PAK4: variants seen among roughly 807,000 people sequenced by gnomAD.
PAK4 encodes p21 (RAC1) activated kinase 4.
PAK4 carries 49 observed loss-of-function variants against 53.5 expected under a neutral mutation model. That is an observed-to-expected ratio of 0.92 (90% CI 0.73 to 1.16). The LOEUF (loss-of-function observed/expected upper bound fraction) is 1.16, where lower values mean the gene tolerates loss of function less well. PAK4 is among the 50% of genes most tolerant of loss of function. PAK4 has a pLI of 0.00. For missense variants in PAK4, 824 were observed against 850.7 expected (o/e 0.97, Z 0.39); for synonymous variants, 376 against 375.6 (o/e 1.00, Z -0.01).
Position 39,175,478 on chromosome 19 carries a change from C to T in PAK4, c.1359+40C>T, listed in dbSNP as rs769014787. On this transcript the variant is annotated intron_variant, in intron 6 of 8. Coordinates refer to ENST00000358301, the Ensembl canonical transcript of PAK4. This position sits in a 1 kb window ranked among gnomAD's most constrained non-coding sequence, Gnocchi z 4.7. The stretch of plus-strand genomic sequence containing the variant: ...GGCGGGGTACGGGGGCGGCAGGTTT[C>T]CGGCTGCGGGGCTTCCCTGCCTCTT... 4 of 1,565,666 alleles carry T rather than the reference C, an allele frequency of 2.6e-6. No homozygotes were observed. The highest frequency in any genetic ancestry group is 3.5e-6 in the Non-Finnish European group (4 of 1,152,340).
chr19:39,171,911 A>T (rs1206869146), intron 2 of PAK4, among the ~76,000 whole-genome samples: 3 of 152,230 alleles, frequency 2.0e-5, no homozygotes, highest in Non-Finnish European at 4.4e-5. Context: ...AGGTGCTGAG[A>T]TGGAGCAGGA....
chr19:39,132,894 C>T (rs991241720), intron 1 of PAK4, among the ~76,000 whole-genome samples: 41 of 152,246 alleles, frequency 2.7e-4, no homozygotes, highest in African/African-American at 9.6e-4. Flanking sequence ...TGATTTTAAT[C>T]AGAGCAAAGT....
At chr19:39,143,289 TAAAAAA>T (rs33954043) in intron 1 of PAK4, among the ~76,000 whole-genome samples, 4 of 117,748 alleles carry the variant, frequency 3.4e-5, no homozygotes, top group African/African-American at 1.3e-4. Context: ...GTAGAAGCAT[TAAAAAA>T]AAAAAAAAAA....
intron 1 of PAK4, among the ~76,000 whole-genome samples, chr19:39,138,585 C>T (rs2073859695): frequency 6.6e-6 from 1 of 152,150 alleles, no homozygotes; most frequent in Admixed American, 6.5e-5. Context: ...GGAGTCTGTG[C>T]CCTCCACTCC....
chr19:39,158,228 T>C (rs2074224994), intron 1 of PAK4, among the ~76,000 whole-genome samples: 2 of 152,086 alleles, frequency 1.3e-5, no homozygotes, highest in African/African-American at 4.8e-5. Context: ...TGCGTGTGTG[T>C]GCATGTGTGT....
At chr19:39,170,521 T>C (rs1428669334) in intron 2 of PAK4, among the ~76,000 whole-genome samples, 1 of 152,202 alleles carries the variant, frequency 6.6e-6, no homozygotes, top group Non-Finnish European at 1.5e-5. Flanking sequence ...GAGGCTGGCC[T>C]GGCCTGAGCC....
intron 1 of PAK4, among the ~76,000 whole-genome samples, chr19:39,167,688 C>T (rs371276865): frequency 6.6e-6 from 1 of 152,126 alleles, no homozygotes; most frequent in African/African-American, 2.4e-5. Context: ...CCCCCACCCC[C>T]CTCCCACGGG....
chr19:39,144,171 TAGATAGA>T (rs1167352953), intron 1 of PAK4, among the ~76,000 whole-genome samples: 1,369 of 113,726 alleles, frequency 0.012, 29 homozygotes, highest in African/African-American at 0.044. Context: ...TTAGATTAGA[TAGATAGA>T]TAGATAGATA....
At chr19:39,131,794 C>G (rs1008316546) in intron 1 of PAK4, among the ~76,000 whole-genome samples, 1 of 152,208 alleles carries the variant, frequency 6.6e-6, no homozygotes, top group African/African-American at 2.4e-5. Context: ...GCTCAGTCCA[C>G]ACACATCCCT....
intron 1 of PAK4, among the ~76,000 whole-genome samples, chr19:39,145,194 C>G (rs1194625959): frequency 2.6e-5 from 4 of 152,130 alleles, no homozygotes; most frequent in Non-Finnish European, 5.9e-5. Flanking sequence ...GCCCGCTGCC[C>G]AGCTAAAAGA....
At chr19:39,139,273 A>G (rs2073871915) in intron 1 of PAK4, among the ~76,000 whole-genome samples, 1 of 152,272 alleles carries the variant, frequency 6.6e-6, no homozygotes, top group Admixed American at 6.5e-5. Context: ...GCCCCTTGCC[A>G]GTTCTTGGGA....
chr19:39,174,846 G>A, intron 4 of PAK4, 85 bp from the exon 6 acceptor site: 2 of 1,528,008 alleles, frequency 1.3e-6, no homozygotes, highest in Non-Finnish European at 1.8e-6. Context: ...TGGAACTGCA[G>A]GGGGAGCCAG....
At chr19:39,156,772 T>A (rs2074190615) in intron 1 of PAK4, 1 of 152,318 alleles carries the variant, frequency 6.6e-6, no homozygotes, top group Admixed American at 6.5e-5. Flanking sequence ...TCTACTCTGC[T>A]TTCCCAGCTG....
intron 4 of PAK4, 40 bp downstream of exon 5, chr19:39,174,050 A>ACCCCTCCCTCCCACCCTCCCT: frequency 4.6e-6 from 5 of 1,080,824 alleles, no homozygotes; most frequent in Non-Finnish European, 4.9e-6. Context: ...TGGTCCTCCC[A>ACCCCTCCCTCCCACCCTCCCT]CCCCTCCCTC....
At chr19:39,145,323 G>T (rs112800384) in intron 1 of PAK4, among the ~76,000 whole-genome samples, 3,960 of 152,314 alleles carry the variant, frequency 0.026, 112 homozygotes, top group African/African-American at 0.066. Context: ...TTTAAACTGC[G>T]TGTAAATGGT....
In PAK4 at chr19:39,138,031, G is replaced by C. The variant is rs532915565; in HGVS notation, c.-23+12112G>C. Among the ~76,000 whole-genome samples, 3 of 150,946 alleles carry C rather than the reference G, an allele frequency of 2.0e-5. No homozygotes were observed. The South Asian group carries it at 6.3e-4, about 32-fold the overall frequency. On this transcript the variant is annotated intron_variant, in intron 1 of 8. Transcript: ENST00000358301. Reference sequence around the variant, plus strand: ...GGGTCTTGCTCTGTCACCCAAGCTGGAGTGCAGTGGTTCAAGATTGGCTCA... The same window carrying C: ...GGGTCTTGCTCTGTCACCCAAGCTGCAGTGCAGTGGTTCAAGATTGGCTCA...
intron 1 of PAK4, among the ~76,000 whole-genome samples, chr19:39,167,556 G>T (rs765315587): frequency 1.2e-4 from 19 of 152,138 alleles, no homozygotes; most frequent in Non-Finnish European, 2.4e-4. Flanking sequence ...CCCCCCGTCC[G>T]CCCTCCATCC....
chr19:39,141,350 C>CT (rs2073906126), intron 1 of PAK4, among the ~76,000 whole-genome samples: 1 of 151,204 alleles, frequency 6.6e-6, no homozygotes, highest in African/African-American at 2.4e-5. Context: ...GAGTCTCACT[C>CT]TGTCACCCAG....
At chr19:39,143,358 A>AGGTG (rs559126815) in intron 1 of PAK4, among the ~76,000 whole-genome samples, 59 of 150,630 alleles carry the variant, frequency 3.9e-4, no homozygotes, top group Non-Finnish European at 6.6e-4. Flanking sequence ...TGGGAGGCAA[A>AGGTG]GGTGGGTGGA....
Sources: gnomAD v4.1 joint callset for allele counts (sites outside exome capture counted in the v4.1 genomes callset) on GRCh38, gnomAD v4.1.1 for gene constraint, Gnocchi (gnomAD v3.1) non-coding constraint, MANE v1.5 for transcripts, NCBI Gene and HGNC (gene_info 2026-07-23, HGNC 2026-07-21) for gene names.